The following KPNA7 variants were observed in gnomAD, a reference collection of about 807,000 sequenced individuals.
KPNA7 encodes importin subunit alpha-8.
KPNA7 carries 54 observed loss-of-function variants against 53.7 expected under a neutral mutation model. The observed-to-expected ratio is 1.01, with a 90% CI of 0.81 to 1.26. KPNA7 has a LOEUF of 1.26. Among genes scored for constraint, KPNA7 ranks in the 50% most tolerant of loss-of-function variants. The probability of loss-of-function intolerance (pLI) is 0.00; values close to 1 mark genes in which losing one functional copy is unlikely to be tolerated. For synonymous variants in KPNA7, 276 were observed against 259.3 expected (o/e 1.06, Z -0.62); for missense variants, 640 against 644.5 (o/e 0.99, Z 0.07).
chr7:99,217,156 C>T (rs1029261402), intron 1 of KPNA7, among the ~76,000 whole-genome samples: 7 of 152,150 alleles, frequency 4.6e-5, no homozygotes, highest in South Asian at 4.1e-4. Flanking sequence ...ATATATTGAA[C>T]GTTAGCTTCC....
At chr7:99,196,978 C>A (rs569868332) in intron 3 of KPNA7, among the ~76,000 whole-genome samples, 1 of 152,186 alleles carries the variant, frequency 6.6e-6, no homozygotes, top group South Asian at 2.1e-4. Flanking sequence ...AACAAAAAAA[C>A]TTGAAAGGGA....
At chr7:99,213,127 G>A (rs1375087898) in intron 1 of KPNA7, among the ~76,000 whole-genome samples, 6 of 146,538 alleles carry the variant, frequency 4.1e-5, no homozygotes, top group Non-Finnish European at 7.4e-5. Context: ...ATGGCCAAAA[G>A]GGATTTTTTT....
At chr7:99,212,233 CTTTTTTTTT>C (rs34555248), upstream of KPNA7, among the ~76,000 whole-genome samples, 3 of 47,216 alleles carry the variant, frequency 6.4e-5, no homozygotes, top group South Asian at 2.8e-3. Context: ...CACATGTGTC[CTTTTTTTTT>C]TTTTTTTTTT....
the KPNA7 span, among the ~76,000 whole-genome samples, chr7:99,154,178 G>A: frequency 6.6e-6 from 1 of 150,828 alleles, no homozygotes; most frequent in East Asian, 1.9e-4. Flanking sequence ...ACCCAGGCTG[G>A]AGTGCAGTGG....
rs59219718 is a variant in KPNA7 at position 99,188,174 on chromosome 7, C to CAAAAA, written c.900+121_900+125dup. On this transcript the variant is annotated intron_variant, in intron 7 of 10. Coordinates refer to ENST00000327442, the MANE Select transcript of KPNA7 (RefSeq NM_001145715.3). ...TGGGTGACAGAGCAAGACTCTGTCT[C>CAAAAA]AAAAAAAAAAAAAAAAAAAAAAAAG... The CAAAAA allele has an allele frequency of 5.3e-3, 2,063 of 389,484 alleles. 28 individuals carry two copies. The highest frequency in any genetic ancestry group is 0.012 in the African/African-American group (223 of 18,722). The allele number at this position is 389,484 out of a possible 1,614,324, so 24.1% of individuals were successfully genotyped here.
chr7:99,197,066 A>AG (rs1790267605), intron 3 of KPNA7, among the ~76,000 whole-genome samples: 2 of 152,148 alleles, frequency 1.3e-5, no homozygotes, highest in African/African-American at 4.8e-5. Context: ...TAAGACCCTC[A>AG]GCTCTTCCCT....
chr7:99,202,046 G>A (rs73403107), intron 3 of KPNA7, among the ~76,000 whole-genome samples: 10,733 of 152,062 alleles, frequency 0.071, 446 homozygotes, highest in South Asian at 0.15. Context: ...TGGATGGGGG[G>A]ATTCTAGGGA....
downstream of KPNA7, among the ~76,000 whole-genome samples, chr7:99,169,013 C>T (rs1798723320): frequency 6.6e-6 from 1 of 152,102 alleles, no homozygotes; most frequent in Admixed American, 6.6e-5. Flanking sequence ...CATGGTGAAA[C>T]CCCATCTCTA....
At chr7:99,201,439 A>G (rs932832316) in intron 3 of KPNA7, among the ~76,000 whole-genome samples, 4 of 152,038 alleles carry the variant, frequency 2.6e-5, no homozygotes, top group Admixed American at 2.0e-4. Context: ...TGAGGCAGAC[A>G]GATCACAAGG....
upstream of KPNA7, among the ~76,000 whole-genome samples, chr7:99,210,985 A>G (rs2150786190): frequency 6.6e-6 from 1 of 152,086 alleles, no homozygotes; most frequent in African/African-American, 2.4e-5. Context: ...TACATTATAG[A>G]AAAGAGAAAA....
intron 2 of KPNA7, among the ~76,000 whole-genome samples, 171 bp downstream of exon 2, chr7:99,207,230 A>G (rs1452740907): frequency 1.3e-5 from 2 of 151,882 alleles, no homozygotes; most frequent in Non-Finnish European, 2.9e-5. Context: ...AGACGGGGTT[A>G]CACCATGTTG....
At chr7:99,189,065 C>G (rs909815468) in intron 6 of KPNA7, among the ~76,000 whole-genome samples, 3 of 152,206 alleles carry the variant, frequency 2.0e-5, no homozygotes, top group African/African-American at 7.2e-5. Flanking sequence ...TCGTATTTCA[C>G]ATTCCAATGT....
chr7:99,207,549 G>C, intron 1 of KPNA7, 60 bp from the exon 2 acceptor site: 1 of 658,428 alleles, frequency 1.5e-6, no homozygotes, highest in Non-Finnish European at 2.5e-6. Context: ...TATTATGTCA[G>C]TATCATAAGG....
chr7:99,195,380 G>A (rs767063843), intron 4 of KPNA7, 42 bp from the exon 5 acceptor site: 4 of 1,535,964 alleles, frequency 2.6e-6, no homozygotes, highest in African/African-American at 1.4e-5. Context: ...GAGGTCAAGT[G>A]AGAGAGGTAT....
intron 3 of KPNA7, among the ~76,000 whole-genome samples, chr7:99,200,585 G>GAAGAC (rs1312632862): frequency 6.6e-6 from 1 of 152,140 alleles, no homozygotes; most frequent in Non-Finnish European, 1.5e-5. Flanking sequence ...CAGTGGAACT[G>GAAGAC]AAGACACCCT....
intron 2 of KPNA7, among the ~76,000 whole-genome samples, chr7:99,205,957 G>A (rs781780440): frequency 8.5e-5 from 13 of 152,082 alleles, no homozygotes; most frequent in Non-Finnish European, 1.5e-4. Flanking sequence ...CACACCCCCC[G>A]TCCCCAGCCC....
intron 1 of KPNA7, among the ~76,000 whole-genome samples, chr7:99,213,284 AC>A (rs1030771442): frequency 7.4e-5 from 11 of 149,444 alleles, no homozygotes; most frequent in African/African-American, 2.5e-4. Context: ...ACACCACCAC[AC>A]CCCCCAGCTA....
chr7:99,206,054 A>C (rs1341083469), intron 2 of KPNA7, among the ~76,000 whole-genome samples: 2 of 152,206 alleles, frequency 1.3e-5, no homozygotes, highest in African/African-American at 4.8e-5. Context: ...CCATACCTAT[A>C]TGCTAACGTT....
chr7:99,215,215 T>C (rs1296737344), intron 1 of KPNA7, among the ~76,000 whole-genome samples: 1 of 151,166 alleles, frequency 6.6e-6, no homozygotes, highest in African/African-American at 2.4e-5. Context: ...CTACTAAAAA[T>C]ACAAAAATTA....
Sources: gnomAD v4.1 joint callset for allele counts (sites outside exome capture counted in the v4.1 genomes callset) on GRCh38, gnomAD v4.1.1 for gene constraint, MANE v1.5 for transcripts, NCBI Gene and HGNC (gene_info 2026-07-23, HGNC 2026-07-21) for gene names.